The following GRIPAP1 variants were observed in gnomAD, a reference collection of about 807,000 sequenced individuals.
GRIPAP1 encodes the protein GRIP1-associated protein 1.
In GRIPAP1, 14 loss-of-function variants were observed where a neutral mutation model predicts 84.1. The ratio of observed to expected loss-of-function variants is 0.17; its 90% CI spans 0.11 to 0.26. The LOEUF is 0.26. Ranked by LOEUF, GRIPAP1 falls within the 10% of genes least tolerant of loss-of-function variation. The pLI is 1.00. For synonymous variants in GRIPAP1, 261 were observed against 256.8 expected (o/e 1.02, Z -0.15); for missense variants, 518 against 674.2 (o/e 0.77, Z 2.57).
chrX:48,985,409 A>G lies in GRIPAP1; in HGVS notation c.1042-7T>C. 8.3e-7 allele frequency: 1 copy of G among 1,207,009 alleles called. No homozygotes were observed. The highest frequency in any genetic ancestry group is 1.1e-6 in the Non-Finnish European group (1 of 891,932). ...GGGTCTTTGCTGTTTGGATCTGGAG[A>G]AAGTAGTGGTGATGAGAAGTAGAGT... On this transcript the variant is annotated splice_polypyrimidine_tract_variant and splice_region_variant and intron_variant, in intron 13 of 25. Transcript: ENST00000376423.
chrX:48,996,130 C>T (rs781926253), intron 5 of GRIPAP1, among the ~76,000 whole-genome samples: 1 of 111,810 alleles, frequency 8.9e-6, no homozygotes, highest in African/African-American at 3.3e-5. Context: ...GTAACTTCCT[C>T]AAGGTTACAG....
At position 48,989,717 on chromosome X, in the gene GRIPAP1, G is replaced by A. The variant is rs1557064899; in HGVS notation, c.771-7C>T. ...TAATTCCTCAATCTTGTTCCTAGGAGTGATGGGGAGGGGGTGTGTTGGACA... is the reference window on the plus strand; with the variant it reads ...TAATTCCTCAATCTTGTTCCTAGGAATGATGGGGAGGGGGTGTGTTGGACA... On this transcript the variant is annotated splice_polypyrimidine_tract_variant and splice_region_variant and intron_variant, in intron 10 of 25. Coordinates refer to ENST00000376423, the MANE Select transcript of GRIPAP1 (RefSeq NM_020137.5). 1.7e-6 allele frequency: 2 copies of A among 1,155,811 alleles called. No individual in the cohort carries two copies. The highest frequency in any genetic ancestry group is 1.8e-5 in the South Asian group (1 of 55,565).
chrX:49,001,593 G>A (rs782174063), intron 1 of GRIPAP1, among the ~76,000 whole-genome samples: 1 of 109,898 alleles, frequency 9.1e-6, no homozygotes, highest in Non-Finnish European at 1.9e-5. Flanking sequence ...AGGCCTAATG[G>A]GATCACCCTT....
In GRIPAP1 at chrX:48,990,911, C is replaced by T. The variant is rs145876151; in HGVS notation, c.642+15G>A. ...CTGCCTTCTGGCATTCCAGCTCCAA[C>T]AGACTCAGATTCACCTCTAAGCCTT... On this transcript the variant is annotated intron_variant, in intron 7 of 25. Coordinates refer to ENST00000376423, the MANE Select transcript of GRIPAP1 (RefSeq NM_020137.5). 8.1e-4 allele frequency: 923 copies of T among 1,133,982 alleles called. 12 individuals carry two copies. The East Asian group carries it at 0.026, about 32-fold the overall frequency. 93.5% of individuals were successfully genotyped at this position (1,133,982 alleles called of 1,213,427 possible).
At chrX:48,999,747 C>T (rs782354715) in intron 1 of GRIPAP1, among the ~76,000 whole-genome samples, 11 of 111,000 alleles carry the variant, frequency 9.9e-5, no homozygotes, top group South Asian at 3.8e-4. Flanking sequence ...CTACAATCCA[C>T]GCTGCACTCA....
At chrX:48,998,944 C>T (rs1412161241) in intron 3 of GRIPAP1, 2 of 303,606 alleles carry the variant, frequency 6.6e-6, no homozygotes, top group Non-Finnish European at 1.1e-5. Context: ...GAGGCAGATT[C>T]GAGGTAGATT....
At position 48,981,576 on chromosome X, in the gene GRIPAP1, G is replaced by A. The variant is rs782707406; in HGVS notation, c.1773+20C>T. On this transcript the variant is annotated intron_variant, in intron 19 of 25. Transcript: ENST00000376423. ...GCTGAGGATCAGGGGTGTGTCTGGG[G>A]CTGTGCAGTGACCACTGACCTGCTT... The A allele has an allele frequency of 2.6e-6, 3 of 1,174,421 alleles. No individual in the cohort carries two copies. Among genetic ancestry groups the A allele is most frequent in the Admixed American group, 2.2e-5 (1 of 46,007 alleles).
chrX:48,983,475 C>T, intron 15 of GRIPAP1, 35 bp from the exon 16 acceptor site: 2 of 1,136,929 alleles, frequency 1.8e-6, no homozygotes, highest in Non-Finnish European at 1.2e-6. Context: ...AACTTCCTTC[C>T]ACAACATCGA....
intron 17 of GRIPAP1, among the ~76,000 whole-genome samples, chrX:48,982,438 C>G (rs1476041495): frequency 1.8e-5 from 2 of 112,720 alleles, no homozygotes; most frequent in African/African-American, 6.4e-5. Flanking sequence ...GTACAGTACA[C>G]GATATCAGCT....
At chrX:49,000,903 A>G (rs2147753123) in intron 1 of GRIPAP1, 1 of 109,113 alleles carries the variant, frequency 9.2e-6, no homozygotes, top group Admixed American at 9.8e-5. Flanking sequence ...CTTGGCCTTC[A>G]CAGAATCTTT....
At position 49,002,247 on chromosome X, in the gene GRIPAP1, C is replaced by A. The variant is rs782489909; in HGVS notation, c.-18G>T. Reference sequence around the variant, plus strand: ...TGCGCCATGTTCCTCCCCCCACCCCCCCGCCAGCTTTCTGCGCAGACGCAG... The same window carrying A: ...TGCGCCATGTTCCTCCCCCCACCCCACCGCCAGCTTTCTGCGCAGACGCAG... On this transcript the variant is annotated 5_prime_UTR_variant, in exon 1 of 26. Transcript: ENST00000376423. 11 of 1,098,998 alleles carry A rather than the reference C, an allele frequency of 1.0e-5. No homozygotes were observed. Among genetic ancestry groups the A allele is most frequent in the Admixed American group, 2.4e-5 (1 of 42,341 alleles). 90.6% of individuals were successfully genotyped at this position (1,098,998 alleles called of 1,213,427 possible).
At chrX:48,996,835 G>T (rs2064549518) in intron 5 of GRIPAP1, among the ~76,000 whole-genome samples, 1 of 111,460 alleles carries the variant, frequency 9.0e-6, no homozygotes, top group African/African-American at 3.3e-5. Flanking sequence ...GAATTATCTG[G>T]AAGAGGTAGA....
rs1557065020 is a variant in GRIPAP1, at chrX:48,990,009, G to T, written c.691-6C>A. 1 of 1,177,135 alleles carries T rather than the reference G, an allele frequency of 8.5e-7. No homozygotes were observed. The highest frequency in any genetic ancestry group is 1.8e-5 in the South Asian group (1 of 54,900). ...TTTTTCAGTTTCTCGGAGAGCTGGG[G>T]AGAGAGGTACAGACAAGTGATAACA... On this transcript the variant is annotated splice_polypyrimidine_tract_variant and splice_region_variant and intron_variant, in intron 8 of 25. Transcript: ENST00000376423.
intron 11 of GRIPAP1, 83 bp downstream of exon 11, chrX:48,989,528 G>T (rs782005225): frequency 1.3e-5 from 8 of 620,161 alleles, no homozygotes; most frequent in Non-Finnish European, 1.8e-5. Context: ...AGACTCCCCA[G>T]CCAGCCTCCA....
rs1434268119 is a variant in GRIPAP1 at position 48,999,469 on chromosome X, C to T, written c.78G>A (p.Gln26=). The change falls in exon 2 of 26, where the codon CAG becomes CAA. Residue 26 remains glutamine (Q), a synonymous_variant. Transcript: ENST00000376423. The stretch of plus-strand genomic sequence containing the variant: ...CATTCTTGCGTAGTTCATCTGAAAG[C>T]TGGTAGTTGTTTGTCCGGAGTTCCA... ...QLLELRTNNY[Q]LSDELRKNGV... 1 of 1,207,553 alleles carries T rather than the reference C, an allele frequency of 8.3e-7. No homozygotes were observed. The highest frequency in any genetic ancestry group is 2.2e-5 in the Admixed American group (1 of 45,952).
At chrX:48,984,714 C>CA (rs782364425) in intron 14 of GRIPAP1, among the ~76,000 whole-genome samples, 1,711 of 14,366 alleles carry the variant, frequency 0.12, 62 homozygotes, top group Non-Finnish European at 0.13. Context: ...GACTCCATCT[C>CA]AAAAAAAAAA....
intron 8 of GRIPAP1, 104 bp downstream of exon 8, chrX:48,990,581 G>T: frequency 3.2e-6 from 2 of 616,943 alleles, no homozygotes; most frequent in East Asian, 7.2e-5. Context: ...ATGAAACCTA[G>T]GCTTTGATGG....
At chrX:48,990,901 C>T in intron 7 of GRIPAP1, 25 bp downstream of exon 7, 1 of 1,119,903 alleles carries the variant, frequency 8.9e-7, no homozygotes, top group Non-Finnish European at 1.2e-6. Flanking sequence ...TTCTGGCATT[C>T]CAGCTCCAAC....
rs782558823 is a variant in GRIPAP1 at position 48,975,132 on chromosome X, G to T, written c.2433+23C>A. ...GGCAGGTGGCTGGGTGAACAGATGG[G>T]TAGGCTGGCAGGCCACACTTGCCTT... On this transcript the variant is annotated intron_variant, in intron 25 of 25. Coordinates refer to ENST00000376423, the MANE Select transcript of GRIPAP1 (RefSeq NM_020137.5). 22 of 1,196,133 alleles carry T rather than the reference G, an allele frequency of 1.8e-5. No individual in the cohort carries two copies. The South Asian group carries it at 2.7e-4, about 15-fold the overall frequency.
Sources: allele counts gnomAD v4.1 joint callset (sites outside exome capture counted in the v4.1 genomes callset), GRCh38; gene constraint gnomAD v4.1.1; transcripts MANE v1.5; gene names NCBI Gene and HGNC (gene_info 2026-07-23, HGNC 2026-07-21).